The following CEP57L1 variants were observed in gnomAD, a reference collection of about 807,000 sequenced individuals.
CEP57L1 encodes the protein centrosomal protein CEP57L1.
A neutral mutation model predicts 61.0 loss-of-function variants in CEP57L1; 37 were observed. That is an observed-to-expected ratio of 0.61 (90% CI 0.47 to 0.80). CEP57L1 has a LOEUF of 0.80. Among genes scored for constraint, CEP57L1 ranks in the 30% least tolerant of loss-of-function variants. The pLI is 0.00. For missense variants in CEP57L1, 422 were observed against 524.7 expected (o/e 0.80, Z 1.91); for synonymous variants, 137 against 162.3 (o/e 0.84, Z 1.19).
At chr6:109,137,280 T>C (rs538889665) in intron 1 of CEP57L1, among the ~76,000 whole-genome samples, 2 of 152,204 alleles carry the variant, frequency 1.3e-5, no homozygotes, top group East Asian at 1.9e-4. Flanking sequence ...CACTTAGTTA[T>C]ATCATGACTT....
intron 7 of CEP57L1, chr6:109,157,235 TGGAG>T (rs1007336994): frequency 2.6e-5 from 4 of 152,122 alleles, no homozygotes; most frequent in Non-Finnish European, 4.4e-5. Context: ...TTTTTAAAGA[TGGAG>T]GGAGTGCTAA....
At chr6:109,149,180 A>G (rs994969062) in intron 3 of CEP57L1, among the ~76,000 whole-genome samples, 1 of 152,194 alleles carries the variant, frequency 6.6e-6, no homozygotes, top group African/African-American at 2.4e-5. Context: ...TGTTGTAGAC[A>G]TGAAGTCCTT....
At chr6:109,129,293 A>G in intron 1 of CEP57L1, 1 of 979,140 alleles carries the variant, frequency 1.0e-6, no homozygotes, top group Non-Finnish European at 1.3e-6. Flanking sequence ...TAAGCTATTC[A>G]TATTTCCTAG....
In CEP57L1 at chr6:109,172,512, A is replaced by G. The variant is rs1774450285; in HGVS notation, c.*9542A>G. Among the ~76,000 whole-genome samples the G allele has an allele frequency of 1.3e-5, 2 of 152,388 alleles. No homozygotes were observed. Among genetic ancestry groups the G allele is most frequent in the Non-Finnish European group, 2.9e-5 (2 of 68,030 alleles). On this transcript the variant is annotated 3_prime_UTR_variant, in exon 11 of 11. Coordinates refer to ENST00000517392, the MANE Select transcript of CEP57L1 (RefSeq NM_001271852.3). ...CTTAGAGGTTATCTTGAATCTGGAC[A>G]CAGGACAAACATTTCTTTGGAATGT...
chr6:109,143,990 G>C (rs1324330838), intron 1 of CEP57L1, among the ~76,000 whole-genome samples: 1 of 151,964 alleles, frequency 6.6e-6, no homozygotes, highest in Non-Finnish European at 1.5e-5. Context: ...GTTTTTTGAG[G>C]GAACAACAAC....
Position 109,095,544 on chromosome 6 carries a change from G to T in CEP57L1, c.-35G>T. 2.0e-6 allele frequency: 2 copies of T among 985,832 alleles called. No individual in the cohort carries two copies. Among genetic ancestry groups the T allele is most frequent in the Non-Finnish European group, 2.4e-6 (2 of 829,930 alleles). The allele number at this position is 985,832 out of a possible 1,614,324, so 61.1% of individuals were successfully genotyped here. A position where few individuals can be genotyped will look rare whatever the true frequency, so the allele number is the denominator to read the frequency against. Reference sequence around the variant, plus strand: ...GGGTGCCCGCGAACCAACGGTTAGCGGTGGCAGGGGCTGACTGAGAGCGTC... The same window carrying T: ...GGGTGCCCGCGAACCAACGGTTAGCTGTGGCAGGGGCTGACTGAGAGCGTC... On this transcript the variant is annotated 5_prime_UTR_variant, in exon 1 of 11. Coordinates refer to ENST00000517392, the MANE Select transcript of CEP57L1 (RefSeq NM_001271852.3).
chr6:109,104,118 C>T lies in CEP57L1; in HGVS notation c.-4+8543C>T, dbSNP rs138335645. 8.8e-3 allele frequency among the ~76,000 whole-genome samples: 1,304 copies of T among 148,340 alleles called. 22 individuals carry two copies. The highest frequency in any genetic ancestry group is 0.031 in the African/African-American group (1,236 of 40,376). On this transcript the variant is annotated intron_variant, in intron 1 of 10. Coordinates refer to ENST00000517392, the MANE Select transcript of CEP57L1 (RefSeq NM_001271852.3). ...TGGCACAGTCATATATTGTCTTTGT[C>T]TTTTAAAAAAATGTTACATAGAAGA...
intron 1 of CEP57L1, among the ~76,000 whole-genome samples, chr6:109,112,180 A>C (rs905397581): frequency 6.6e-6 from 1 of 152,018 alleles, no homozygotes; most frequent in Non-Finnish European, 1.5e-5. Flanking sequence ...GTAGGCTATT[A>C]ATTGCCCCCT....
rs1774433258 is a variant in CEP57L1, at chr6:109,172,160, T to TCATGTAGACAG, written c.*9191_*9201dup. Among the ~76,000 whole-genome samples the TCATGTAGACAG allele has an allele frequency of 6.6e-6, 1 of 152,080 alleles. No homozygotes were observed. Among genetic ancestry groups the TCATGTAGACAG allele is most frequent in the Admixed American group, 6.5e-5 (1 of 15,268 alleles). On this transcript the variant is annotated 3_prime_UTR_variant, in exon 11 of 11. Transcript: ENST00000517392. ...TTCCAGTTGTCCTTCACCTGTGAAGTCATGTAGACAGACCATAATTCTCTC... is the reference window on the plus strand; with the variant it reads ...TTCCAGTTGTCCTTCACCTGTGAAGTCATGTAGACAGCATGTAGACAGACCATAATTCTCTC...
Position 109,113,322 on chromosome 6 carries a change from C to T in CEP57L1, c.-4+17747C>T, listed in dbSNP as rs538634319. Reference sequence around the variant, plus strand: ...CCCTCTTCCGGAGAAAAGCCCATGTCCTCCTCAGATCAAAATTTTTGTGTT... The same window carrying T: ...CCCTCTTCCGGAGAAAAGCCCATGTTCTCCTCAGATCAAAATTTTTGTGTT... On this transcript the variant is annotated intron_variant, in intron 1 of 10. Coordinates refer to ENST00000517392, the MANE Select transcript of CEP57L1 (RefSeq NM_001271852.3). Among the ~76,000 whole-genome samples, 18 of 152,240 alleles carry T rather than the reference C, an allele frequency of 1.2e-4. No homozygotes were observed. In the South Asian group the frequency reaches 3.7e-3, roughly 32 times the overall value.
rs140120449 is a variant in CEP57L1 at position 109,123,065 on chromosome 6, A to G, written c.-3-22154A>G. 3.3e-5 allele frequency among the ~76,000 whole-genome samples: 5 copies of G among 152,260 alleles called. 1 individual carries two copies. Among genetic ancestry groups the G allele is most frequent in the African/African-American group, 1.2e-4 (5 of 41,544 alleles). On this transcript the variant is annotated intron_variant, in intron 1 of 10. Coordinates refer to ENST00000517392, the MANE Select transcript of CEP57L1 (RefSeq NM_001271852.3). ...ACCTTGGTGGGGCCTAGGAATCTGC[A>G]TGTTTATTAAAAATAAAAATTCTCA...
chr6:109,120,908 ACACG>A (rs201574335), intron 1 of CEP57L1, among the ~76,000 whole-genome samples: 1,350 of 88,062 alleles, frequency 0.015, 16 homozygotes, highest in African/African-American at 0.06. Flanking sequence ...ATACTTAGAC[ACACG>A]CACACACACA....
At chr6:109,132,745 A>G (rs1774335677) in intron 1 of CEP57L1, among the ~76,000 whole-genome samples, 1 of 152,224 alleles carries the variant, frequency 6.6e-6, no homozygotes, top group African/African-American at 2.4e-5. Flanking sequence ...ATGTTCTCAT[A>G]GTTCTACATC....
intron 1 of CEP57L1, among the ~76,000 whole-genome samples, chr6:109,123,392 AC>A (rs940603816): frequency 6.6e-6 from 1 of 152,160 alleles, no homozygotes; most frequent in Non-Finnish European, 1.5e-5. Context: ...TAGCTGCATG[AC>A]CCTGGGCAAG....
chr6:109,162,682 C>T (rs1773821330), intron 10 of CEP57L1, 67 bp from the exon 11 acceptor site: 3 of 1,001,722 alleles, frequency 3.0e-6, no homozygotes, highest in African/African-American at 1.7e-5. Flanking sequence ...TCAATTCAAC[C>T]TATCTATTTT....
chr6:109,125,842 CTTA>C (rs1163687285), intron 1 of CEP57L1, among the ~76,000 whole-genome samples: 1 of 151,716 alleles, frequency 6.6e-6, no homozygotes, highest in African/African-American at 2.4e-5. Flanking sequence ...TTCAAAATCA[CTTA>C]TTTTTTAACT....
At chr6:109,109,787 G>A (rs1301641587) in intron 1 of CEP57L1, among the ~76,000 whole-genome samples, 4 of 152,178 alleles carry the variant, frequency 2.6e-5, no homozygotes, top group Admixed American at 2.6e-4. Flanking sequence ...AGAACATGTG[G>A]TGTTTGGTTT....
At chr6:109,109,222 T>C (rs1472389479) in intron 1 of CEP57L1, among the ~76,000 whole-genome samples, 1 of 152,204 alleles carries the variant, frequency 6.6e-6, no homozygotes, top group East Asian at 1.9e-4. Context: ...GGAATGCTAA[T>C]CTCTTAAGAG....
chr6:109,158,753 C>T lies in CEP57L1; in HGVS notation c.745-272C>T, dbSNP rs776745210. ...TTTATTTTCTCTGTGTGCTTGCCAA[C>T]ATTTGTTATTGTCACTGTTTTTTAT... On this transcript the variant is annotated intron_variant, in intron 7 of 10. Transcript: ENST00000517392. 1.3e-5 allele frequency: 7 copies of T among 522,018 alleles called. No homozygotes were observed. In the East Asian group the frequency reaches 2.9e-4, roughly 22 times the overall value. The allele number at this position is 522,018 out of a possible 1,614,324, so 32.3% of individuals were successfully genotyped here.
Sources: allele counts gnomAD v4.1 joint callset (sites outside exome capture counted in the v4.1 genomes callset), GRCh38; gene constraint gnomAD v4.1.1; transcripts MANE v1.5; gene names NCBI Gene and HGNC (gene_info 2026-07-23, HGNC 2026-07-21).